Variants in FRMD6 observed in about 807,000 individuals in gnomAD.
FRMD6 encodes the protein FERM domain-containing protein 6.
FRMD6 carries 37 observed loss-of-function variants against 73.2 expected under a neutral mutation model. The observed-to-expected ratio is 0.51, with a 90% CI of 0.39 to 0.66. The LOEUF is 0.66. FRMD6 is among the 30% of genes least tolerant of loss of function. The pLI is 0.00. For missense variants in FRMD6, 714 were observed against 780.5 expected (o/e 0.91, Z 1.02); for synonymous variants, 273 against 282.2 (o/e 0.97, Z 0.33).
the FRMD6 span, among the ~76,000 whole-genome samples, chr14:51,462,936 C>A: frequency 6.6e-6 from 1 of 152,312 alleles, no homozygotes; most frequent in Admixed American, 6.5e-5. Context: ...AACTGAATCA[C>A]TTGGTGGCTT....
chr14:51,415,000 T>G, the FRMD6 span, among the ~76,000 whole-genome samples: 1 of 152,216 alleles, frequency 6.6e-6, no homozygotes, highest in Non-Finnish European at 1.5e-5. Flanking sequence ...CACTCTGATT[T>G]TGTATCTTGA....
At chr14:51,636,289 A>G (rs1474777201) in intron 2 of FRMD6, among the ~76,000 whole-genome samples, 6 of 152,246 alleles carry the variant, frequency 3.9e-5, no homozygotes, top group African/African-American at 1.4e-4. Flanking sequence ...ACAAATTACA[A>G]AAGATAAACT....
chr14:51,594,678 G>A (rs1889613283), intron 2 of FRMD6, among the ~76,000 whole-genome samples: 1 of 151,880 alleles, frequency 6.6e-6, no homozygotes, highest in Non-Finnish European at 1.5e-5. Context: ...GGTGAGGCTG[G>A]TCTAGAACTC....
intron 1 of FRMD6, among the ~76,000 whole-genome samples, chr14:51,511,391 A>G (rs991629543): frequency 5.9e-5 from 9 of 152,238 alleles, no homozygotes; most frequent in African/African-American, 2.2e-4. Flanking sequence ...AAAATTATTC[A>G]GGGCAAAGTG....
intron 1 of FRMD6, among the ~76,000 whole-genome samples, chr14:51,525,326 T>A (rs1885190628): frequency 6.6e-6 from 1 of 152,120 alleles, no homozygotes; most frequent in South Asian, 2.1e-4. Context: ...TGGAGTGCAG[T>A]AGCGAGGTCT....
In FRMD6 at chr14:51,657,716, A is replaced by G. The variant is rs149297948; in HGVS notation, c.-147+5720A>G. On this transcript the variant is annotated intron_variant, in intron 1 of 13. Transcript: ENST00000344768. The stretch of plus-strand genomic sequence containing the variant: ...GTATGGTCTTAAAATTAAAAGAGAA[A>G]AAGTAACGTTAGAGGTAAGATGTGA... Among the ~76,000 whole-genome samples the G allele has an allele frequency of 1.3e-4, 20 of 152,298 alleles. No homozygotes were observed. The East Asian group carries it at 3.7e-3, about 28-fold the overall frequency.
intron 2 of FRMD6, among the ~76,000 whole-genome samples, chr14:51,642,541 G>GTAAA (rs1408100428): frequency 3.9e-5 from 6 of 152,190 alleles, no homozygotes; most frequent in South Asian, 2.1e-4. Flanking sequence ...CATCTCCTAA[G>GTAAA]TAAATAAATA....
intron 1 of FRMD6, among the ~76,000 whole-genome samples, chr14:51,496,476 G>A (rs1390523535): frequency 3.9e-5 from 6 of 152,196 alleles, no homozygotes; most frequent in African/African-American, 1.4e-4. Context: ...CTCAGATAGA[G>A]ATGGTTGGAA....
chr14:51,452,166 C>T, the FRMD6 span, among the ~76,000 whole-genome samples: 6 of 152,064 alleles, frequency 3.9e-5, no homozygotes, highest in East Asian at 5.8e-4. Flanking sequence ...AGAGCATGAG[C>T]GAGGGTTGGA....
At chr14:51,502,166 A>G (rs139962980) in intron 1 of FRMD6, among the ~76,000 whole-genome samples, 24 of 152,232 alleles carry the variant, frequency 1.6e-4, no homozygotes, top group African/African-American at 5.8e-4. Flanking sequence ...CACTCTGATT[A>G]TAGTTTATTT....
chr14:51,619,586 C>A (rs1890846645), intron 2 of FRMD6, among the ~76,000 whole-genome samples: 1 of 152,130 alleles, frequency 6.6e-6, no homozygotes, highest in Non-Finnish European at 1.5e-5. Flanking sequence ...CTGAAAGTAC[C>A]AGAGACAGAT....
chr14:51,475,891 G>C, the FRMD6 span, among the ~76,000 whole-genome samples: 8,219 of 152,118 alleles, frequency 0.054, 485 homozygotes, highest in Admixed American at 0.18. Flanking sequence ...CGTAATTGTC[G>C]ATGGAATGGA....
chr14:51,422,772 G>A, the FRMD6 span, among the ~76,000 whole-genome samples: 3 of 152,202 alleles, frequency 2.0e-5, no homozygotes, highest in African/African-American at 7.2e-5. Flanking sequence ...TGGTGCACAG[G>A]TGGGTCAACA....
At chr14:51,639,687 C>T (rs1891734643) in intron 2 of FRMD6, among the ~76,000 whole-genome samples, 1 of 152,282 alleles carries the variant, frequency 6.6e-6, no homozygotes, top group Middle Eastern at 3.4e-3. Context: ...TTCCTGGAAA[C>T]CACCCTTTTG....
At chr14:51,648,253 T>C (rs1240317401), upstream of FRMD6, among the ~76,000 whole-genome samples, 3 of 152,212 alleles carry the variant, frequency 2.0e-5, no homozygotes, top group Admixed American at 6.5e-5. Context: ...GCAGTTCTTA[T>C]CTCATTTTCT....
In FRMD6 at chr14:51,720,132, G is replaced by A. The variant is rs1897458864; in HGVS notation, c.1102G>A (p.Ala368Thr). ...GGACCAGCTGGAAAAACGGTCGCGG[G>A]CCAGCGGGAGCAGTGCGGGCAGCAT... ...DMDQLEKRSRASGSSAGSMKH... is the reference protein window; with the variant it reads ...DMDQLEKRSRTSGSSAGSMKH... The change falls in exon 11 of 14, where the codon GCC becomes ACC. Residue 368 changes from alanine (A) to threonine (T), a missense_variant. Transcript: ENST00000344768. 1.9e-6 allele frequency: 3 copies of A among 1,613,838 alleles called. No homozygotes were observed. The highest frequency in any genetic ancestry group is 2.2e-5 in the East Asian group (1 of 44,888).
the FRMD6 span, among the ~76,000 whole-genome samples, chr14:51,471,177 G>T: frequency 6.6e-6 from 1 of 152,222 alleles, no homozygotes; most frequent in African/African-American, 2.4e-5. Flanking sequence ...GTTATTAGAT[G>T]CATATGCATT....
At chr14:51,474,502 T>C in the FRMD6 span, among the ~76,000 whole-genome samples, 2 of 152,172 alleles carry the variant, frequency 1.3e-5, no homozygotes, top group Non-Finnish European at 2.9e-5. Context: ...GGAGGAGTTT[T>C]CAGAGGGCAC....
chr14:51,715,285 A>T, intron 9 of FRMD6, 40 bp from the exon 10 acceptor site: 1 of 1,436,878 alleles, frequency 7.0e-7, no homozygotes, highest in Non-Finnish European at 9.2e-7. Context: ...CAAATCAGAG[A>T]TTTTTCTTCC....
Sources: allele counts gnomAD v4.1 joint callset (sites outside exome capture counted in the v4.1 genomes callset), GRCh38; gene constraint gnomAD v4.1.1; transcripts MANE v1.5; gene names NCBI Gene and HGNC (gene_info 2026-07-23, HGNC 2026-07-21).